The following ALDH3A2 variants were observed in gnomAD, a reference collection of about 807,000 sequenced individuals.
ALDH3A2 encodes aldehyde dehydrogenase 3 family member A2.
ALDH3A2 carries 36 observed loss-of-function variants against 51.3 expected under a neutral mutation model. That is an observed-to-expected ratio of 0.70 (90% CI 0.54 to 0.93). The LOEUF (loss-of-function observed/expected upper bound fraction) is 0.93. Among genes scored for constraint, ALDH3A2 ranks in the 40% least tolerant of loss-of-function variants. The pLI is 0.00. For synonymous variants in ALDH3A2, 199 were observed against 219.8 expected (o/e 0.91, Z 0.84); for missense variants, 552 against 603.1 (o/e 0.92, Z 0.89).
In ALDH3A2 at chr17:19,654,790, C is replaced by T. The variant is rs921697563; in HGVS notation, c.472-1576C>T. Among the ~76,000 whole-genome samples the T allele has an allele frequency of 3.9e-5, 6 of 152,164 alleles. No homozygotes were observed. Among genetic ancestry groups the T allele is most frequent in the African/African-American group, 1.4e-4 (6 of 41,454 alleles). ...CAGTGCAGCTGTGGGCTGAAGGGCT[C>T]CTCAAGCGTGGCGAGAGTGGGTGCC... On this transcript the variant is annotated intron_variant, in intron 3 of 9. Coordinates refer to ENST00000176643, the MANE Select transcript of ALDH3A2 (RefSeq NM_000382.3). This position sits in a 1 kb window ranked among gnomAD's most constrained non-coding sequence, Gnocchi z 4.5.
At chr17:19,667,592 C>A (rs138465209) in intron 8 of ALDH3A2, among the ~76,000 whole-genome samples, 1 of 151,716 alleles carries the variant, frequency 6.6e-6, no homozygotes, top group East Asian at 1.9e-4. Flanking sequence ...ACTGAGACTC[C>A]CTGTCACCTA....
intron 9 of ALDH3A2, among the ~76,000 whole-genome samples, chr17:19,673,601 C>G (rs1323979109): frequency 4.0e-5 from 6 of 151,792 alleles, no homozygotes; most frequent in Non-Finnish European, 8.8e-5. Context: ...GACTGTAGTC[C>G]CAGCTACTAG....
In ALDH3A2 at chr17:19,671,933, A is replaced by G. The variant is rs748781417; in HGVS notation, c.1420A>G (p.Ile474Val). ...LGLLLLTFLG[I>V]VAAVLVKAEY... The stretch of plus-strand genomic sequence containing the variant: ...TCTCCTGTTGCTCACTTTCCTGGGT[A>G]TTGTAGCCGCTGTGCTTGTCAAGGT... The change falls in exon 9 of 10, where the codon ATT becomes GTT. Residue 474 changes from isoleucine (I) to valine (V), a missense_variant. Transcript: ENST00000176643. 6 of 1,614,002 alleles carry G rather than the reference A, an allele frequency of 3.7e-6. No individual in the cohort carries two copies. The African/African-American group carries it at 8.0e-5, about 22-fold the overall frequency.
At chr17:19,667,368 T>G (rs2085052934) in intron 8 of ALDH3A2, among the ~76,000 whole-genome samples, 2 of 152,216 alleles carry the variant, frequency 1.3e-5, no homozygotes, top group South Asian at 4.1e-4. Flanking sequence ...ATAATGTATC[T>G]TTATGCAATC....
intron 4 of ALDH3A2, 23 bp from the exon 5 acceptor site, chr17:19,657,722 T>A (rs760371280): frequency 6.9e-7 from 1 of 1,452,178 alleles, no homozygotes; most frequent in South Asian, 1.1e-5. Flanking sequence ...ATTATATAGC[T>A]GTTCTGGATG....
rs777290506 is a variant in ALDH3A2, at chr17:19,661,114, T to C, written c.799-13T>C. 6 of 1,606,402 alleles carry C rather than the reference T, an allele frequency of 3.7e-6. No homozygotes were observed. The South Asian group carries it at 6.6e-5, about 18-fold the overall frequency. On this transcript the variant is annotated splice_polypyrimidine_tract_variant and intron_variant, in intron 5 of 9. Transcript: ENST00000176643. Reference sequence around the variant, plus strand: ...TCTTTGTGACATTTATATACTCCTGTTGTTTTAAATAGGAATTTTATGGAG... The same window carrying C: ...TCTTTGTGACATTTATATACTCCTGCTGTTTTAAATAGGAATTTTATGGAG...
At chr17:19,672,766 G>A (rs565038610) in intron 9 of ALDH3A2, among the ~76,000 whole-genome samples, 25 of 152,188 alleles carry the variant, frequency 1.6e-4, no homozygotes, top group Admixed American at 1.4e-3. Context: ...AAAGGGGGCC[G>A]GCGCAGTGGC....
chr17:19,674,232 C>T (rs1023214196), intron 9 of ALDH3A2: 4 of 152,142 alleles, frequency 2.6e-5, no homozygotes, highest in African/African-American at 9.7e-5. Flanking sequence ...ATATCTGTCT[C>T]TTTTGTTCTT....
At chr17:19,671,659 TAGAC>T (rs2085115201) in intron 8 of ALDH3A2, 58 bp from the exon 9 acceptor site, 1 of 1,445,102 alleles carries the variant, frequency 6.9e-7, no homozygotes, top group Non-Finnish European at 9.7e-7. Context: ...CGGTCGTTGT[TAGAC>T]AGAAGTAGCT....
At chr17:19,652,450 T>G in intron 2 of ALDH3A2, 97 bp from the exon 3 acceptor site, 2 of 868,898 alleles carry the variant, frequency 2.3e-6, no homozygotes, top group Non-Finnish European at 3.9e-6. Flanking sequence ...GCAGAAATAA[T>G]TGGGAGTACC....
intron 8 of ALDH3A2, among the ~76,000 whole-genome samples, chr17:19,668,448 A>G (rs1171502216): frequency 6.6e-6 from 1 of 151,834 alleles, no homozygotes; most frequent in Non-Finnish European, 1.5e-5. Context: ...GGGTCTCACC[A>G]TGTTGGCCAG....
intron 2 of ALDH3A2, 37 bp downstream of exon 2, chr17:19,651,815 G>A (rs763363420): frequency 5.8e-6 from 9 of 1,560,014 alleles, no homozygotes; most frequent in Middle Eastern, 1.7e-4. Flanking sequence ...CCTTTTTAGG[G>A]AGGCTTATTT....
intron 2 of ALDH3A2, among the ~76,000 whole-genome samples, chr17:19,652,112 T>C (rs751216611): frequency 1.1e-4 from 16 of 152,236 alleles, no homozygotes; most frequent in Non-Finnish European, 1.9e-4. Context: ...TTTGATTCTG[T>C]CTGACCAGTT....
chr17:19,674,623 G>A (rs1197393996), intron 9 of ALDH3A2: 2 of 152,072 alleles, frequency 1.3e-5, no homozygotes, highest in Non-Finnish European at 2.9e-5. Flanking sequence ...GATTCCCCAG[G>A]CCACTTTCAA....
At chr17:19,669,083 G>A (rs1484571406) in intron 8 of ALDH3A2, among the ~76,000 whole-genome samples, 1 of 151,688 alleles carries the variant, frequency 6.6e-6, no homozygotes, top group Non-Finnish European at 1.5e-5. Context: ...GATCACCCGA[G>A]GTCAGAATCT....
intron 8 of ALDH3A2, among the ~76,000 whole-genome samples, chr17:19,665,821 C>T (rs2085029625): frequency 6.6e-6 from 1 of 152,110 alleles, no homozygotes; most frequent in Non-Finnish European, 1.5e-5. Flanking sequence ...TAACAAAAAC[C>T]CAACCAGAAA....
intron 3 of ALDH3A2, 37 bp downstream of exon 3, chr17:19,652,669 TACTGTGGAAA>T: frequency 6.7e-7 from 1 of 1,488,494 alleles, no homozygotes; most frequent in Middle Eastern, 1.7e-4. Flanking sequence ...CATATGTGTT[TACTGTGGAAA>T]ACACACATTT....
chr17:19,663,212 T>A, intron 6 of ALDH3A2, 121 bp from the exon 7 acceptor site: 6 of 1,159,994 alleles, frequency 5.2e-6, no homozygotes, highest in Non-Finnish European at 7.6e-6. Context: ...GATTTTTCAA[T>A]AGATATGACT....
chr17:19,672,819 A>G (rs1207909542), intron 9 of ALDH3A2, among the ~76,000 whole-genome samples: 1 of 151,796 alleles, frequency 6.6e-6, no homozygotes, highest in Non-Finnish European at 1.5e-5. Context: ...GAGGCAGGGG[A>G]ATCACGAGGT....
Sources: gnomAD v4.1 joint callset for allele counts (sites outside exome capture counted in the v4.1 genomes callset) on GRCh38, gnomAD v4.1.1 for gene constraint, Gnocchi (gnomAD v3.1) non-coding constraint, MANE v1.5 for transcripts, NCBI Gene and HGNC (gene_info 2026-07-23, HGNC 2026-07-21) for gene names.